Variants in ELMOD3 observed in about 807,000 individuals in gnomAD.
ELMOD3 encodes the protein ELMO domain-containing protein 3.
A neutral mutation model predicts 47.4 loss-of-function variants in ELMOD3; 36 were observed. The ratio of observed to expected loss-of-function variants is 0.76; its 90% CI spans 0.58 to 1.00. ELMOD3 has a LOEUF of 1.00. Among genes scored for constraint, ELMOD3 ranks in the 50% least tolerant of loss-of-function variants. ELMOD3 has a pLI of 0.00. For synonymous variants in ELMOD3, 149 were observed against 183.5 expected (o/e 0.81, Z 1.52); for missense variants, 404 against 463.8 (o/e 0.87, Z 1.18).
At chr2:85,385,575 G>A (rs559096018) in intron 11 of ELMOD3, among the ~76,000 whole-genome samples, 1 of 152,286 alleles carries the variant, frequency 6.6e-6, no homozygotes, top group African/African-American at 2.4e-5. Flanking sequence ...TCATTCTTCA[G>A]TTACTTCAGG....
intron 4 of ELMOD3, among the ~76,000 whole-genome samples, chr2:85,361,739 C>T (rs1368909358): frequency 6.6e-6 from 1 of 152,128 alleles, no homozygotes; most frequent in East Asian, 1.9e-4. Context: ...ACCATCCTGG[C>T]TAACACGGTG....
intron 4 of ELMOD3, among the ~76,000 whole-genome samples, chr2:85,361,847 C>T (rs907171905): frequency 4.6e-5 from 7 of 151,846 alleles, no homozygotes; most frequent in Middle Eastern, 3.4e-3. Flanking sequence ...AGGAGAATGG[C>T]GTGAACCTGG....
rs941216011 is a variant in ELMOD3 at position 85,391,269 on chromosome 2, G to A, written c.*307G>A. On this transcript the variant is annotated 3_prime_UTR_variant, in exon 14 of 14. Transcript: ENST00000409013. ...ACTGGGAGTGAATGGATCATGAGGT[G>A]GGATGGCCCCATCTGGATGTTCTGC... The A allele has an allele frequency of 1.4e-5, 4 of 288,422 alleles. No homozygotes were observed. The East Asian group carries it at 3.3e-4, about 23-fold the overall frequency. The allele number at this position is 288,422 out of a possible 1,614,324, so 17.9% of individuals were successfully genotyped here.
chr2:85,371,789 T>G, intron 10 of ELMOD3: 1 of 459,378 alleles, frequency 2.2e-6, no homozygotes, highest in Non-Finnish European at 3.9e-6. Context: ...ATCCCAGCAC[T>G]TTGGGAGGCT....
chr2:85,357,128 T>C lies in ELMOD3; in HGVS notation c.-71T>C. 2.8e-6 allele frequency: 3 copies of C among 1,081,054 alleles called. No individual in the cohort carries two copies. The Admixed American group carries it at 6.3e-5, about 23-fold the overall frequency. 67.0% of individuals were successfully genotyped at this position (1,081,054 alleles called of 1,614,324 possible). A position where few individuals can be genotyped will look rare whatever the true frequency, so the allele number is the denominator to read the frequency against. ...GATCTCTGGCTCTCCACATAGCTTC[T>C]GATCTCAGACCTTACTAAAATGCTT... On this transcript the variant is annotated 5_prime_UTR_variant, in exon 4 of 14. Coordinates refer to ENST00000409013, the MANE Select transcript of ELMOD3 (RefSeq NM_001135022.2).
intron 11 of ELMOD3, among the ~76,000 whole-genome samples, chr2:85,384,612 G>T (rs1685803316): frequency 6.6e-6 from 1 of 152,098 alleles, no homozygotes. Context: ...TTTTAAAACA[G>T]TCTCACCCTG....
At chr2:85,357,866 G>A (rs1398332467) in intron 4 of ELMOD3, among the ~76,000 whole-genome samples, 8 of 152,166 alleles carry the variant, frequency 5.3e-5, no homozygotes, top group African/African-American at 1.4e-4. Flanking sequence ...GTACACAGAT[G>A]CCTGCAGGAA....
At chr2:85,371,274 G>C in intron 9 of ELMOD3, 65 bp downstream of exon 9, 1 of 1,613,032 alleles carries the variant, frequency 6.2e-7, no homozygotes, top group Non-Finnish European at 8.5e-7. Context: ...CGTGTGTGCT[G>C]ACCCTGTGAG....
chr2:85,389,992 C>A, intron 12 of ELMOD3, 146 bp from the exon 13 acceptor site: 1 of 1,086,470 alleles, frequency 9.2e-7, no homozygotes, highest in Non-Finnish European at 1.4e-6. Context: ...CCACCCCTGG[C>A]CTTAGATGTC....
intron 11 of ELMOD3, among the ~76,000 whole-genome samples, chr2:85,386,488 G>A (rs537034458): frequency 2.8e-5 from 4 of 145,214 alleles, no homozygotes; most frequent in African/African-American, 5.1e-5. Context: ...GAGTTCAAGC[G>A]ATTCTTCTGC....
Position 85,357,134 on chromosome 2 carries a change from C to T in ELMOD3, c.-65C>T. 1 of 1,180,086 alleles carries T rather than the reference C, an allele frequency of 8.5e-7. No individual in the cohort carries two copies. The allele number at this position is 1,180,086 out of a possible 1,614,324, so 73.1% of individuals were successfully genotyped here. A position where few individuals can be genotyped will look rare whatever the true frequency, so the allele number is the denominator to read the frequency against. ...TGGCTCTCCACATAGCTTCTGATCT[C>T]AGACCTTACTAAAATGCTTTCTGGG... On this transcript the variant is annotated 5_prime_UTR_variant, in exon 4 of 14. Coordinates refer to ENST00000409013, the MANE Select transcript of ELMOD3 (RefSeq NM_001135022.2).
intron 11 of ELMOD3, among the ~76,000 whole-genome samples, chr2:85,379,480 C>T (rs1267753904): frequency 2.0e-5 from 3 of 152,216 alleles, no homozygotes; most frequent in African/African-American, 7.2e-5. Flanking sequence ...GCTGGGATTA[C>T]AGGTGTGAGC....
At position 85,391,015 on chromosome 2, in the gene ELMOD3, TCAGTGGAGC is replaced by T. The variant is rs138054626; in HGVS notation, c.*56_*64del. Reference sequence around the variant, plus strand: ...CTGAGCTGCAGGGGCTTTCAGGGGGTCAGTGGAGCCATGTCAGGAGCCTGGCCAGGCCGC... The same window carrying T: ...CTGAGCTGCAGGGGCTTTCAGGGGGTCATGTCAGGAGCCTGGCCAGGCCGC... On this transcript the variant is annotated 3_prime_UTR_variant, in exon 14 of 14. Coordinates refer to ENST00000409013, the MANE Select transcript of ELMOD3 (RefSeq NM_001135022.2). 94,580 of 1,505,542 alleles carry T rather than the reference TCAGTGGAGC, an allele frequency of 0.063. 3,268 individuals are homozygous for T. The highest frequency in any genetic ancestry group is 0.071 in the Non-Finnish European group (78,909 of 1,114,188). 93.3% of individuals were successfully genotyped at this position (1,505,542 alleles called of 1,614,324 possible).
intron 11 of ELMOD3, among the ~76,000 whole-genome samples, chr2:85,383,962 G>A (rs1433126345): frequency 2.0e-5 from 3 of 152,210 alleles, no homozygotes; most frequent in Non-Finnish European, 4.4e-5. Flanking sequence ...AGGGAGATAT[G>A]AGACATCAAT....
At position 85,382,134 on chromosome 2, in the gene ELMOD3, A is replaced by G. The variant is rs1175769620; in HGVS notation, c.738+4660A>G. ...TCCTTCTCAAAAAAAAAAAAAAAAA[A>G]AAAAAAGATTTGGCAGGACATAGGG... On this transcript the variant is annotated intron_variant, in intron 11 of 13. Coordinates refer to ENST00000409013, the MANE Select transcript of ELMOD3 (RefSeq NM_001135022.2). Among the ~76,000 whole-genome samples the G allele has an allele frequency of 2.7e-5, 4 of 147,450 alleles. No homozygotes were observed. In the Admixed American group the frequency reaches 2.7e-4, roughly 10 times the overall value.
chr2:85,357,314 T>C (rs1683632975), intron 4 of ELMOD3, 62 bp downstream of exon 4: 1 of 1,081,948 alleles, frequency 9.2e-7, no homozygotes, highest in Non-Finnish European at 1.4e-6. Context: ...TTAAGTATAG[T>C]AAGAATATAT....
chr2:85,375,814 G>A (rs1188332920), intron 10 of ELMOD3, among the ~76,000 whole-genome samples: 1 of 152,220 alleles, frequency 6.6e-6, no homozygotes, highest in African/African-American at 2.4e-5. Context: ...GGAGGCTCTG[G>A]AAGAGAGTCC....
intron 13 of ELMOD3, chr2:85,390,527 T>C (rs1686274727): frequency 6.3e-7 from 1 of 1,589,612 alleles, no homozygotes; most frequent in Non-Finnish European, 8.6e-7. Context: ...GGTCCAATAG[T>C]TGGACTATTC....
chr2:85,361,684 C>T (rs1683966602), intron 4 of ELMOD3, among the ~76,000 whole-genome samples: 1 of 152,120 alleles, frequency 6.6e-6, no homozygotes, highest in South Asian at 2.1e-4. Flanking sequence ...AATCTCAGCA[C>T]TTTGGGAGGC....
Sources: allele counts gnomAD v4.1 joint callset (sites outside exome capture counted in the v4.1 genomes callset), GRCh38; gene constraint gnomAD v4.1.1; transcripts MANE v1.5; gene names NCBI Gene and HGNC (gene_info 2026-07-23, HGNC 2026-07-21).